Variants in PCDHA2 observed in about 807,000 individuals in gnomAD.
The protein encoded by PCDHA2 is protocadherin alpha-2.
In PCDHA2, 58 loss-of-function variants were observed where a neutral mutation model predicts 66.0. The ratio of observed to expected loss-of-function variants is 0.88; its 90% CI spans 0.71 to 1.09. PCDHA2 has a LOEUF of 1.09. Ranked by LOEUF, PCDHA2 falls within the 50% of genes least tolerant of loss-of-function variation. PCDHA2 has a pLI of 0.00. For synonymous variants in PCDHA2, 634 were observed against 554.0 expected (o/e 1.14, Z -2.03); for missense variants, 1,267 against 1,242.3 (o/e 1.02, Z -0.30).
intron 1 of PCDHA2, chr5:140,829,898 T>C (rs2150177238): frequency 2.5e-6 from 4 of 1,613,830 alleles, no homozygotes; most frequent in African/African-American, 2.7e-5. Context: ...CGACTCAGGC[T>C]ACAACGCGTG....
intron 1 of PCDHA2, chr5:140,841,768 C>G: frequency 6.2e-7 from 1 of 1,613,936 alleles, no homozygotes; most frequent in South Asian, 1.1e-5. Flanking sequence ...GAATGCCAGA[C>G]TCTCGGTTTC....
rs138621035 is a variant in PCDHA2 at position 140,848,721 on chromosome 5, G to A, written c.2388+51369G>A. ...TTCCAAAGGCCGCGGGGACCTTCTG[G>A]AGGTAAATCTGCAGAATGGCATTTT... On this transcript the variant is annotated intron_variant, in intron 1 of 3. Coordinates refer to ENST00000526136, the MANE Select transcript of PCDHA2 (RefSeq NM_018905.3). The A allele has an allele frequency of 1.9e-6, 3 of 1,592,458 alleles. No individual in the cohort carries two copies. Among genetic ancestry groups the A allele is most frequent in the African/African-American group, 2.7e-5 (2 of 74,256 alleles).
At chr5:140,993,273 T>C (rs1212746492) in intron 3 of PCDHA2, among the ~76,000 whole-genome samples, 1 of 152,176 alleles carries the variant, frequency 6.6e-6, no homozygotes, top group Non-Finnish European at 1.5e-5. Flanking sequence ...TTCTTTGGTC[T>C]TTTCTTGCCC....
intron 1 of PCDHA2, chr5:140,877,683 C>T: frequency 6.2e-7 from 1 of 1,613,716 alleles, no homozygotes. Flanking sequence ...CGGGCAAGCC[C>T]ACGCTGGTGT....
chr5:140,934,305 A>T, intron 1 of PCDHA2, among the ~76,000 whole-genome samples: 1 of 152,150 alleles, frequency 6.6e-6, no homozygotes, highest in African/African-American at 2.4e-5. Flanking sequence ...TATTTTTCTT[A>T]CTGCAAATGT....
intron 1 of PCDHA2, chr5:140,829,534 C>T (rs550072556): frequency 6.2e-7 from 1 of 1,613,076 alleles, no homozygotes; most frequent in Non-Finnish European, 8.5e-7. Context: ...CTGCGCGAGA[C>T]GCGGACGCGC....
chr5:140,965,193 A>G (rs1232668450), intron 1 of PCDHA2, among the ~76,000 whole-genome samples: 1 of 152,252 alleles, frequency 6.6e-6, no homozygotes, highest in East Asian at 1.9e-4. Flanking sequence ...CACATGAGGC[A>G]ATAGATTTCA....
intron 1 of PCDHA2, chr5:140,855,960 T>A (rs933070909): frequency 4.3e-6 from 6 of 1,398,506 alleles, no homozygotes; most frequent in East Asian, 2.3e-5. Flanking sequence ...CGATAAAAAA[T>A]AGATATAAGA....
intron 1 of PCDHA2, among the ~76,000 whole-genome samples, chr5:140,820,807 A>C (rs1766834468): frequency 6.6e-6 from 1 of 152,128 alleles, no homozygotes; most frequent in African/African-American, 2.4e-5. Flanking sequence ...TGTATTTTAC[A>C]ATTTTTAATA....
At chr5:141,001,624 CG>C (rs1335079944) in intron 3 of PCDHA2, among the ~76,000 whole-genome samples, 1 of 151,678 alleles carries the variant, frequency 6.6e-6, no homozygotes, top group African/African-American at 2.4e-5. Context: ...AAAGGACTGG[CG>C]GGGGTTGGGG....
intron 3 of PCDHA2, among the ~76,000 whole-genome samples, chr5:140,988,469 G>A (rs2097299168): frequency 6.6e-6 from 1 of 152,150 alleles, no homozygotes; most frequent in Admixed American, 6.5e-5. Flanking sequence ...GGTGTGGGAA[G>A]GGGAATTAGC....
Position 140,855,940 on chromosome 5 carries a change from T to G in PCDHA2, c.2388+58588T>G, listed in dbSNP as rs781849353. 20 of 1,323,248 alleles carry G rather than the reference T, an allele frequency of 1.5e-5. 4 individuals carry two copies. The highest frequency in any genetic ancestry group is 2.9e-5 in the South Asian group (2 of 68,766). The allele number at this position is 1,323,248 out of a possible 1,614,324, so 82.0% of individuals were successfully genotyped here. A position where few individuals can be genotyped will look rare whatever the true frequency, so the allele number is the denominator to read the frequency against. Reference sequence around the variant, plus strand: ...TAGGAAGTAGCGTCATTCTGAGATCTCAGCCATTTCGATAAAAAATAGATA... The same window carrying G: ...TAGGAAGTAGCGTCATTCTGAGATCGCAGCCATTTCGATAAAAAATAGATA... On this transcript the variant is annotated intron_variant, in intron 1 of 3. Transcript: ENST00000526136.
chr5:140,861,445 G>A (rs1196401790), intron 1 of PCDHA2: 1 of 494,332 alleles, frequency 2.0e-6, no homozygotes, highest in Admixed American at 2.1e-5. Context: ...AAAAGCCGCA[G>A]AAACCTTCTG....
intron 3 of PCDHA2, among the ~76,000 whole-genome samples, chr5:141,000,371 C>G (rs868969531): frequency 6.1e-5 from 3 of 49,260 alleles, no homozygotes; most frequent in Admixed American, 2.7e-4. Flanking sequence ...GTCTCTCTCT[C>G]TCTCTCTCTC....
rs375716587 is a variant in PCDHA2 at position 140,871,025 on chromosome 5, C to T, written c.2388+73673C>T. ...ACGCGTGCCCTGGACGAGGCAGACT[C>T]GCCGCGCCACCGACTTCTAGTACTG... On this transcript the variant is annotated intron_variant, in intron 1 of 3. Transcript: ENST00000526136. 13 of 1,613,228 alleles carry T rather than the reference C, an allele frequency of 8.1e-6. No homozygotes were observed. Among genetic ancestry groups the T allele is most frequent in the Admixed American group, 1.7e-5 (1 of 60,010 alleles).
rs1388292827 is a variant in PCDHA2, at chr5:140,857,492, G to A, written c.2388+60140G>A. On this transcript the variant is annotated intron_variant, in intron 1 of 3. Coordinates refer to ENST00000526136, the MANE Select transcript of PCDHA2 (RefSeq NM_018905.3). ...CTTCACGGTGTCTGCGTGGGACGCG[G>A]ACGCGCAGGAGAACGCCCTGGTGTC... 2 of 1,598,272 alleles carry A rather than the reference G, an allele frequency of 1.3e-6. No homozygotes were observed. The highest frequency in any genetic ancestry group is 1.7e-6 in the Non-Finnish European group (2 of 1,167,822).
intron 1 of PCDHA2, chr5:140,841,314 T>C (rs2150313381): frequency 7.6e-6 from 12 of 1,583,242 alleles, no homozygotes; most frequent in Non-Finnish European, 1.0e-5. Flanking sequence ...AGGAAACGAC[T>C]ATTTAACATG....
intron 3 of PCDHA2, among the ~76,000 whole-genome samples, chr5:141,002,467 G>A (rs1266754067): frequency 6.6e-6 from 1 of 152,202 alleles, no homozygotes; most frequent in African/African-American, 2.4e-5. Context: ...TAACGCTTTA[G>A]CATTTTCAAA....
chr5:140,846,028 T>C (rs1415683647), intron 1 of PCDHA2, among the ~76,000 whole-genome samples: 1 of 149,754 alleles, frequency 6.7e-6, no homozygotes, highest in Non-Finnish European at 1.5e-5. Flanking sequence ...ATTACGAGTT[T>C]AGGAAAGTCA....
Sources: gnomAD v4.1 joint callset for allele counts (sites outside exome capture counted in the v4.1 genomes callset) on GRCh38, gnomAD v4.1.1 for gene constraint, MANE v1.5 for transcripts, NCBI Gene and HGNC (gene_info 2026-07-23, HGNC 2026-07-21) for gene names.